The following IL1RAPL2 variants were observed in gnomAD, a reference collection of about 807,000 sequenced individuals.
The protein encoded by IL1RAPL2 is X-linked interleukin-1 receptor accessory protein-like 2.
Under a neutral mutation model 44.1 loss-of-function variants are expected in IL1RAPL2, and 3 were observed. That is an observed-to-expected ratio of 0.07 (90% confidence interval 0.03 to 0.18). The LOEUF (loss-of-function observed/expected upper bound fraction) is 0.18, where lower values mean the gene tolerates loss of function less well. IL1RAPL2 is among the 10% of genes least tolerant of loss of function. IL1RAPL2 has a pLI of 1.00. For synonymous variants in IL1RAPL2, 181 were observed against 178.8 expected (o/e 1.01, Z -0.10); for missense variants, 391 against 496.4 (o/e 0.79, Z 2.02).
chrX:105,732,382 A>G (rs2038413599), intron 7 of IL1RAPL2, among the ~76,000 whole-genome samples: 1 of 110,697 alleles, frequency 9.0e-6, no homozygotes, highest in Admixed American at 9.6e-5. Context: ...ATGGCTTAGC[A>G]CCATCCCTTT....
At chrX:104,608,658 C>G (rs1929073734) in intron 1 of IL1RAPL2, among the ~76,000 whole-genome samples, 2 of 88,067 alleles carry the variant, frequency 2.3e-5, no homozygotes, top group Non-Finnish European at 2.1e-5. Context: ...GATTGCAACC[C>G]CTGCTTTTTT....
rs1321304179 is a variant in IL1RAPL2 at position 104,585,365 on chromosome X, A to G, written c.-20+18314A>G. Among the ~76,000 whole-genome samples the G allele has an allele frequency of 6.9e-5, 2 of 28,879 alleles. 1 individual carries two copies. The highest frequency in any genetic ancestry group is 1.0e-4 in the Non-Finnish European group (2 of 19,630). 25.1% of individuals were successfully genotyped at this position (28,879 alleles called of 115,157 possible). A position where few individuals can be genotyped will look rare whatever the true frequency, so the allele number is the denominator to read the frequency against. On this transcript the variant is annotated intron_variant, in intron 1 of 10. Coordinates refer to ENST00000372582, the MANE Select transcript of IL1RAPL2 (RefSeq NM_017416.2). The stretch of plus-strand genomic sequence containing the variant: ...ATATTATATATATTATATATATTAT[A>G]TATATTATATATAATATATATTATA...
intron 2 of IL1RAPL2, among the ~76,000 whole-genome samples, chrX:105,043,835 G>A (rs1489774101): frequency 9.0e-6 from 1 of 111,608 alleles, no homozygotes; most frequent in Admixed American, 9.6e-5. Flanking sequence ...ATCATGAAAA[G>A]TTCCCCAGTT....
chrX:105,500,353 A>C (rs1250429804), intron 6 of IL1RAPL2, among the ~76,000 whole-genome samples: 2 of 110,968 alleles, frequency 1.8e-5, no homozygotes, highest in Non-Finnish European at 3.8e-5. Flanking sequence ...TGAAAAAAAA[A>C]AACCAAAAAT....
At chrX:104,652,211 G>A (rs1930165861) in intron 1 of IL1RAPL2, among the ~76,000 whole-genome samples, 1 of 111,672 alleles carries the variant, frequency 9.0e-6, no homozygotes, top group African/African-American at 3.3e-5. Flanking sequence ...AGCCCCTCTG[G>A]CAGAGAAACA....
At chrX:105,734,755 C>T (rs2038433528) in intron 7 of IL1RAPL2, among the ~76,000 whole-genome samples, 1 of 111,226 alleles carries the variant, frequency 9.0e-6, no homozygotes. Flanking sequence ...GTCACTTTTC[C>T]CTTTCCCCCT....
intron 4 of IL1RAPL2, among the ~76,000 whole-genome samples, chrX:105,261,738 A>G (rs1240264815): frequency 2.7e-5 from 3 of 111,624 alleles, no homozygotes; most frequent in African/African-American, 9.8e-5. Flanking sequence ...GTTTCCCTAG[A>G]GACTTCTTAA....
At position 105,410,689 on chromosome X, in the gene IL1RAPL2, G is replaced by A. The variant is rs778166359; in HGVS notation, c.698-73624G>A. On this transcript the variant is annotated intron_variant, in intron 5 of 10. Coordinates refer to ENST00000372582, the MANE Select transcript of IL1RAPL2 (RefSeq NM_017416.2). ...GCAAAGTAAGTTATCCTTCAGAAAT[G>A]AAGTAGGAATAAAAACCCCCTGAGA... 1.0e-3 allele frequency among the ~76,000 whole-genome samples: 113 copies of A among 111,814 alleles called. No individual in the cohort carries two copies. The Middle Eastern group carries it at 0.014, about 14-fold the overall frequency.
intron 2 of IL1RAPL2, among the ~76,000 whole-genome samples, chrX:104,888,093 T>C (rs1923303134): frequency 1.8e-5 from 2 of 111,141 alleles, no homozygotes. Flanking sequence ...GTTATTGCAC[T>C]CAGTGAAAAA....
intron 2 of IL1RAPL2, among the ~76,000 whole-genome samples, chrX:105,017,003 A>G (rs1291607126): frequency 9.0e-6 from 1 of 111,333 alleles, no homozygotes; most frequent in African/African-American, 3.3e-5. Context: ...ATTGTTATTC[A>G]TCTATTCAGG....
intron 5 of IL1RAPL2, among the ~76,000 whole-genome samples, chrX:105,374,978 A>AT (rs1300685960): frequency 4.8e-5 from 5 of 103,975 alleles, no homozygotes; most frequent in African/African-American, 1.8e-4. Flanking sequence ...AATTCTAGTG[A>AT]TTTTTTACCC....
At chrX:105,212,389 T>G (rs1034430835) in intron 3 of IL1RAPL2, among the ~76,000 whole-genome samples, 2 of 111,792 alleles carry the variant, frequency 1.8e-5, no homozygotes, top group Non-Finnish European at 3.8e-5. Flanking sequence ...GCAAAGCGGC[T>G]GTGGCCAGGC....
chrX:104,781,372 C>T (rs1031471614), intron 2 of IL1RAPL2, among the ~76,000 whole-genome samples: 1 of 112,143 alleles, frequency 8.9e-6, no homozygotes, highest in Non-Finnish European at 1.9e-5. Context: ...GACTTTGAAG[C>T]AGATGTTTTT....
At chrX:105,092,420 AT>A (rs1276508809) in intron 2 of IL1RAPL2, among the ~76,000 whole-genome samples, 1 of 111,515 alleles carries the variant, frequency 9.0e-6, no homozygotes, top group Non-Finnish European at 1.9e-5. Flanking sequence ...TAGAGCTTCC[AT>A]TTTCCTCTCT....
chrX:104,581,435 C>T (rs1384156712), intron 1 of IL1RAPL2, among the ~76,000 whole-genome samples: 3 of 111,886 alleles, frequency 2.7e-5, no homozygotes, highest in Non-Finnish European at 5.6e-5. Flanking sequence ...TGTGTGCATA[C>T]TTTTCTATAT....
chrX:104,726,783 C>T (rs1343630163), intron 2 of IL1RAPL2, among the ~76,000 whole-genome samples: 2 of 110,198 alleles, frequency 1.8e-5, no homozygotes, highest in Non-Finnish European at 3.8e-5. Context: ...GATTTTTATA[C>T]CATTACCATG....
intron 2 of IL1RAPL2, among the ~76,000 whole-genome samples, chrX:104,896,195 C>T (rs1259490206): frequency 1.8e-5 from 2 of 112,199 alleles, no homozygotes; most frequent in Non-Finnish European, 3.8e-5. Flanking sequence ...AGCCATCTTG[C>T]TATTACTCGC....
intron 6 of IL1RAPL2, among the ~76,000 whole-genome samples, chrX:105,567,629 AT>A (rs1198895162): frequency 1.8e-5 from 2 of 111,615 alleles, no homozygotes; most frequent in Non-Finnish European, 3.8e-5. Context: ...TTACATTTAA[AT>A]TCTTAATTCC....
At chrX:104,677,640 T>A (rs900942805) in intron 2 of IL1RAPL2, among the ~76,000 whole-genome samples, 4 of 112,725 alleles carry the variant, frequency 3.5e-5, no homozygotes, top group Non-Finnish European at 7.5e-5. Context: ...TCGAGCTTCA[T>A]GGCTGCTTTG....
Sources: allele counts gnomAD v4.1 joint callset (sites outside exome capture counted in the v4.1 genomes callset), GRCh38; gene constraint gnomAD v4.1.1; transcripts MANE v1.5; gene names NCBI Gene and HGNC (gene_info 2026-07-23, HGNC 2026-07-21).